The following NRIP1 variants were observed in gnomAD, a reference collection of about 807,000 sequenced individuals.
NRIP1 encodes nuclear receptor-interacting protein 1.
A neutral mutation model predicts 75.0 loss-of-function variants in NRIP1; 28 were observed. The observed-to-expected ratio is 0.37, with a 90% CI of 0.28 to 0.51. NRIP1 has a LOEUF of 0.51. NRIP1 is among the 20% of genes least tolerant of loss of function. NRIP1 has a pLI of 0.92. For missense variants in NRIP1, 1,435 were observed against 1,343.7 expected (o/e 1.07, Z -1.06); for synonymous variants, 526 against 487.6 (o/e 1.08, Z -1.04).
intron 1 of NRIP1, among the ~76,000 whole-genome samples, chr21:15,052,757 G>A (rs1313632003): frequency 1.3e-5 from 2 of 152,000 alleles, no homozygotes; most frequent in Non-Finnish European, 2.9e-5. Context: ...CTAATTCACT[G>A]TAAAATAAAA....
chr21:15,031,988 G>A (rs184143129), intron 2 of NRIP1, among the ~76,000 whole-genome samples: 6 of 152,058 alleles, frequency 3.9e-5, no homozygotes, highest in East Asian at 3.9e-4. Context: ...TCTGGAAGGC[G>A]CTTGGAGGAT....
intron 1 of NRIP1, among the ~76,000 whole-genome samples, chr21:15,063,834 T>C (rs1365293074): frequency 6.6e-6 from 1 of 152,250 alleles, no homozygotes; most frequent in Non-Finnish European, 1.5e-5. Flanking sequence ...CTTCTTTTAC[T>C]ACCTTCAGCA....
intron 2 of NRIP1, among the ~76,000 whole-genome samples, chr21:15,035,798 C>T (rs908122702): frequency 8.6e-5 from 13 of 152,026 alleles, no homozygotes; most frequent in African/African-American, 3.1e-4. Flanking sequence ...CCTCGTGATC[C>T]ACCCGCCTCG....
At chr21:14,989,169 T>C (rs2087497855) in intron 3 of NRIP1, among the ~76,000 whole-genome samples, 2 of 152,212 alleles carry the variant, frequency 1.3e-5, no homozygotes, top group South Asian at 2.1e-4. Flanking sequence ...TTTTAATCCA[T>C]GGTCCTGAAG....
At chr21:15,056,227 A>G (rs1338422963) in intron 1 of NRIP1, among the ~76,000 whole-genome samples, 1 of 152,010 alleles carries the variant, frequency 6.6e-6, no homozygotes, top group Non-Finnish European at 1.5e-5. Context: ...TCCAACCTGA[A>G]AAATCTAACG....
chr21:15,023,284 A>C (rs183172897), intron 2 of NRIP1, among the ~76,000 whole-genome samples: 55 of 152,342 alleles, frequency 3.6e-4, no homozygotes, highest in African/African-American at 1.3e-3. Context: ...ATCAAAAGTA[A>C]TTTCAGGGTA....
Position 14,965,409 on chromosome 21 carries a change from T to C in NRIP1, c.2784A>G (p.Arg928=), listed in dbSNP as rs760476181. 4 of 1,614,080 alleles carry C rather than the reference T, an allele frequency of 2.5e-6. No homozygotes were observed. The highest frequency in any genetic ancestry group is 2.2e-5 in the East Asian group (1 of 44,886). The change falls in exon 4 of 4, where the codon AGA becomes AGG. Residue 928 remains arginine, a synonymous_variant. Coordinates refer to ENST00000318948, the MANE Select transcript of NRIP1 (RefSeq NM_003489.4). ...TCAGAACATTAAAGCTTTTGCTCTC[T>C]CTGGCCCAACTCCTGTGTTCACTTT... ...ASESEHRSWA[R]ESKSFNVLKQ... is the part of the protein sequence containing the mutation.
chr21:15,031,042 T>A (rs4817588), intron 2 of NRIP1, among the ~76,000 whole-genome samples: 1 of 103,552 alleles, frequency 9.7e-6, no homozygotes, highest in East Asian at 2.5e-4. Context: ...GGAAGGCGGT[T>A]GGAGGTTCAC....
At chr21:15,011,440 C>T (rs1265248144) in intron 3 of NRIP1, among the ~76,000 whole-genome samples, 4 of 152,164 alleles carry the variant, frequency 2.6e-5, no homozygotes, top group Non-Finnish European at 5.9e-5. Flanking sequence ...CCGCCCGCCT[C>T]GGCCTCTCAA....
At chr21:14,996,316 T>A (rs2087722298) in intron 3 of NRIP1, among the ~76,000 whole-genome samples, 1 of 152,152 alleles carries the variant, frequency 6.6e-6, no homozygotes, top group South Asian at 2.1e-4. Flanking sequence ...CATTGGACAG[T>A]ACAGCTCTCC....
At chr21:14,988,861 G>C (rs1280521164) in intron 3 of NRIP1, among the ~76,000 whole-genome samples, 4 of 152,108 alleles carry the variant, frequency 2.6e-5, no homozygotes, top group Non-Finnish European at 5.9e-5. Context: ...TTAGTGCCTA[G>C]AGGAGTCAGT....
chr21:15,020,387 T>C (rs184207305), intron 2 of NRIP1, among the ~76,000 whole-genome samples: 4 of 152,314 alleles, frequency 2.6e-5, no homozygotes, highest in East Asian at 1.9e-4. Context: ...TAGATATCCA[T>C]ATGTGAAAAT....
intron 1 of NRIP1, chr21:15,050,845 A>T (rs1486800239): frequency 2.2e-6 from 1 of 455,980 alleles, no homozygotes; most frequent in Non-Finnish European, 4.4e-6. Context: ...CCTCTACCTG[A>T]CCCATACACC....
At chr21:15,035,491 T>C (rs1285027308) in intron 2 of NRIP1, among the ~76,000 whole-genome samples, 14 of 151,396 alleles carry the variant, frequency 9.2e-5, no homozygotes, top group African/African-American at 2.7e-4. Context: ...GTTATACTAA[T>C]AAAAGGTTTA....
intron 1 of NRIP1, among the ~76,000 whole-genome samples, chr21:15,057,092 C>G (rs1385781540): frequency 6.6e-6 from 1 of 152,030 alleles, no homozygotes; most frequent in Non-Finnish European, 1.5e-5. Context: ...TGTTAATTTC[C>G]TCTTTGCATT....
chr21:14,984,310 G>A (rs543184485), intron 3 of NRIP1, among the ~76,000 whole-genome samples: 1 of 151,766 alleles, frequency 6.6e-6, no homozygotes, highest in East Asian at 1.9e-4. Flanking sequence ...GCCTAAAGAT[G>A]TGGGTAAATT....
intron 3 of NRIP1, among the ~76,000 whole-genome samples, chr21:15,006,264 T>C (rs369648337): frequency 2.0e-5 from 3 of 152,302 alleles, no homozygotes; most frequent in Non-Finnish European, 4.4e-5. Context: ...GCATGACATT[T>C]GATGTTTTAG....
chr21:14,965,328 GTTACT>G lies in NRIP1; in HGVS notation c.2860_2864del (p.Ser954LeufsTer4), dbSNP rs1409363930. On this transcript the variant is annotated frameshift_variant, in exon 4 of 4. Coordinates refer to ENST00000318948, the MANE Select transcript of NRIP1 (RefSeq NM_003489.4). LOFTEE classifies it high-confidence loss of function. The stretch of plus-strand genomic sequence containing the variant: ...CTTTCTTTTTACTGTCAGCCACAGA[GTTACT>G]TCTGTGCGGGGACAAATCTCGCACA... 1.2e-6 allele frequency: 2 copies of G among 1,614,008 alleles called. No homozygotes were observed. Among genetic ancestry groups the G allele is most frequent in the Non-Finnish European group, 1.7e-6 (2 of 1,179,920 alleles).
Position 14,967,216 on chromosome 21 carries a change from T to C in NRIP1, c.977A>G (p.Asn326Ser). 1.2e-6 allele frequency: 2 copies of C among 1,614,062 alleles called. No homozygotes were observed. Among genetic ancestry groups the C allele is most frequent in the Non-Finnish European group, 1.7e-6 (2 of 1,180,004 alleles). Residue 326 changes from asparagine to serine, a missense_variant, in exon 4 of 4, where the codon AAT becomes AGT. Coordinates refer to ENST00000318948, the MANE Select transcript of NRIP1 (RefSeq NM_003489.4). ...GCTTGATGATGTTCTTGCCTGACCA[T>C]TAAGATGGCTTGACATTCCTTTTGG... ...QLPKGMSSHL[N>S]GQARTSSSKL... is the part of the protein sequence containing the mutation.
Sources: gnomAD v4.1 joint callset for allele counts (sites outside exome capture counted in the v4.1 genomes callset) on GRCh38, gnomAD v4.1.1 for gene constraint, MANE v1.5 for transcripts, NCBI Gene and HGNC (gene_info 2026-07-23, HGNC 2026-07-21) for gene names.